AGTR1: variants seen among roughly 807,000 people sequenced by gnomAD.
AGTR1 encodes angiotensin II receptor type 1, also known as type-1 angiotensin II receptor.
Under a neutral mutation model 19.4 loss-of-function variants are expected in AGTR1, and 16 were observed. That is an observed-to-expected ratio of 0.82 (90% confidence interval 0.56 to 1.25). The LOEUF (loss-of-function observed/expected upper bound fraction) is 1.25, where lower values mean the gene tolerates loss of function less well. Among genes scored for constraint, AGTR1 ranks in the 50% most tolerant of loss-of-function variants. The pLI is 0.00. For synonymous variants in AGTR1, 153 were observed against 154.9 expected, an observed-to-expected ratio of 0.99 and a Z score of 0.09; for missense variants, 373 against 431.9, an observed-to-expected ratio of 0.86 and a Z score of 1.21.
chr3:148,708,909 G>A (rs544772658), intron 2 of AGTR1, among the ~76,000 whole-genome samples: 21 of 152,280 alleles, frequency 1.4e-4, no homozygotes, highest in Admixed American at 3.9e-4. Flanking sequence ...GGATAGATAC[G>A]TAGGTGCTGG....
Position 148,726,624 on chromosome 3 carries a change from A to T in AGTR1, c.-47-14365A>T, listed in dbSNP as rs1410823454. On this transcript the variant is annotated intron_variant, in intron 2 of 2. Coordinates refer to ENST00000349243, the MANE Select transcript of AGTR1 (RefSeq NM_000685.5). Reference sequence around the variant, plus strand: ...CATTCATGATATCTTTTCACTCTTAATTCTGAGTGTTTCCGTCCGTTTTTT... The same window carrying T: ...CATTCATGATATCTTTTCACTCTTATTTCTGAGTGTTTCCGTCCGTTTTTT... Among the ~76,000 whole-genome samples the T allele has an allele frequency of 2.0e-5, 3 of 152,064 alleles. No homozygotes were observed. In the East Asian group the frequency reaches 5.8e-4, roughly 29 times the overall value.
Position 148,742,266 on chromosome 3 carries a change from T to C in AGTR1, c.*151T>C. The C allele has an allele frequency of 8.9e-7, 1 of 1,125,718 alleles. No homozygotes were observed. Among genetic ancestry groups the C allele is most frequent in the Non-Finnish European group, 1.4e-6 (1 of 737,128 alleles). The allele number at this position is 1,125,718 out of a possible 1,614,324, so 69.7% of individuals were successfully genotyped here. A position where few individuals can be genotyped will look rare whatever the true frequency, so the allele number is the denominator to read the frequency against. On this transcript the variant is annotated 3_prime_UTR_variant, in exon 3 of 3. Transcript: ENST00000349243. ...TGGACTGAACCGACTTTTCTAAAGC[T>C]CTGAACAAAAGCTTTTCTTTCCTTT...
At chr3:148,703,288 T>C (rs1339106177) in intron 1 of AGTR1, among the ~76,000 whole-genome samples, 1 of 152,206 alleles carries the variant, frequency 6.6e-6, no homozygotes, top group Non-Finnish European at 1.5e-5. Flanking sequence ...GAGTATCACC[T>C]GAGAGTTTGT....
At chr3:148,704,797 A>T (rs1194927345) in intron 1 of AGTR1, among the ~76,000 whole-genome samples, 3 of 152,130 alleles carry the variant, frequency 2.0e-5, no homozygotes, top group Non-Finnish European at 2.9e-5. Flanking sequence ...GTTCCCTGGG[A>T]TCATGTTTGA....
At chr3:148,708,256 C>G (rs1014080243) in intron 2 of AGTR1, among the ~76,000 whole-genome samples, 2 of 152,114 alleles carry the variant, frequency 1.3e-5, no homozygotes, top group African/African-American at 4.8e-5. Context: ...AAGCTATTTC[C>G]ATTCATGTAC....
intron 1 of AGTR1, chr3:148,698,439 A>T (rs1712102448): frequency 6.6e-6 from 1 of 152,046 alleles, no homozygotes; most frequent in South Asian, 2.1e-4. Flanking sequence ...AATTCAATAA[A>T]CTTTCTTCCT....
intron 2 of AGTR1, among the ~76,000 whole-genome samples, chr3:148,734,468 A>C (rs886311326): frequency 2.6e-5 from 4 of 152,220 alleles, no homozygotes; most frequent in African/African-American, 9.6e-5. Flanking sequence ...ACAGTGGATG[A>C]TATTGACTTG....
At chr3:148,714,270 A>G (rs1175628927) in intron 2 of AGTR1, among the ~76,000 whole-genome samples, 1 of 152,164 alleles carries the variant, frequency 6.6e-6, no homozygotes, top group Non-Finnish European at 1.5e-5. Context: ...AATCACGTAA[A>G]ATTTATAATA....
chr3:148,721,711 G>T (rs1339172941), intron 2 of AGTR1, among the ~76,000 whole-genome samples: 1 of 152,178 alleles, frequency 6.6e-6, no homozygotes, highest in African/African-American at 2.4e-5. Flanking sequence ...GGCCAAGGAG[G>T]CTAGAGTTCA....
intron 2 of AGTR1, among the ~76,000 whole-genome samples, chr3:148,732,498 C>A (rs1289050935): frequency 1.3e-5 from 2 of 151,980 alleles, no homozygotes; most frequent in African/African-American, 4.8e-5. Flanking sequence ...ATTTTTTTCA[C>A]TTTGTTGTTT....
chr3:148,709,514 C>A (rs1052232658), intron 2 of AGTR1, among the ~76,000 whole-genome samples: 2 of 152,102 alleles, frequency 1.3e-5, no homozygotes, highest in South Asian at 4.1e-4. Flanking sequence ...TAAACTTTTT[C>A]AAACCTTTAA....
intron 2 of AGTR1, among the ~76,000 whole-genome samples, chr3:148,710,661 T>C (rs1009095345): frequency 2.6e-5 from 4 of 152,224 alleles, no homozygotes; most frequent in African/African-American, 9.6e-5. Flanking sequence ...GAATACTTCT[T>C]ATTTTATTTT....
chr3:148,717,992 T>G (rs1713394430), intron 2 of AGTR1, among the ~76,000 whole-genome samples: 1 of 152,186 alleles, frequency 6.6e-6, no homozygotes, highest in South Asian at 2.1e-4. Context: ...CTGTTAAATA[T>G]TAGCCTTTGA....
At chr3:148,702,626 TG>T (rs1432037544) in intron 1 of AGTR1, among the ~76,000 whole-genome samples, 6 of 152,218 alleles carry the variant, frequency 3.9e-5, no homozygotes, top group African/African-American at 1.4e-4. Flanking sequence ...TCAGACCAGA[TG>T]GTGTGTCTAA....
Position 148,741,100 on chromosome 3 carries a change from G to A in AGTR1, c.65G>A (p.Gly22Glu). ...KRIQDDCPKA[G>E]RHNYIFVMIP... is the part of the protein sequence containing the mutation. ...ATCCAAGATGATTGTCCCAAAGCTG[G>A]AAGGCATAATTACATATTTGTCATG... Residue 22 changes from glycine (G) to glutamate (E), a missense_variant, in exon 3 of 3, where the codon GGA becomes GAA. Physicochemically the swap from Gly to Glu is moderately conservative, Grantham distance 98. Coordinates refer to ENST00000349243, the MANE Select transcript of AGTR1 (RefSeq NM_000685.5). 1 of 1,614,082 alleles carries A rather than the reference G, an allele frequency of 6.2e-7. No homozygotes were observed. The highest frequency in any genetic ancestry group is 8.5e-7 in the Non-Finnish European group (1 of 1,179,984).
At chr3:148,740,881 A>G in intron 2 of AGTR1, 108 bp from the exon 3 acceptor site, 1 of 985,308 alleles carries the variant, frequency 1.0e-6, no homozygotes, top group East Asian at 2.6e-5. Flanking sequence ...ATTTTTTCCT[A>G]AGACTAAAGT....
chr3:148,701,404 C>A (rs1712333411), intron 1 of AGTR1, among the ~76,000 whole-genome samples: 1 of 152,124 alleles, frequency 6.6e-6, no homozygotes, highest in African/African-American at 2.4e-5. Context: ...TGAGGAAAAA[C>A]TTTCTTGCAT....
intron 2 of AGTR1, among the ~76,000 whole-genome samples, chr3:148,728,760 A>G (rs779075663): frequency 1.2e-4 from 18 of 152,256 alleles, no homozygotes; most frequent in Non-Finnish European, 2.4e-4. Flanking sequence ...TTAACTGAGG[A>G]GAAAAAAAAT....
intron 2 of AGTR1, chr3:148,730,260 A>G: frequency 2.5e-6 from 1 of 398,374 alleles, no homozygotes; most frequent in Non-Finnish European, 4.4e-6. Flanking sequence ...CTTAATTCAG[A>G]ACTTTTGGCT....
Sources: gnomAD v4.1 joint callset for allele counts (sites outside exome capture counted in the v4.1 genomes callset) on GRCh38, gnomAD v4.1.1 for gene constraint, MANE v1.5 for transcripts, NCBI Gene and HGNC (gene_info 2026-07-23, HGNC 2026-07-21) for gene names.